The following GABRB3 variants were observed in gnomAD, a reference collection of about 807,000 sequenced individuals.
GABRB3 encodes the protein gamma-aminobutyric acid receptor subunit beta-3.
In GABRB3, 14 loss-of-function variants were observed where a neutral mutation model predicts 52.1. The ratio of observed to expected loss-of-function variants is 0.27; its 90% CI spans 0.18 to 0.42. The LOEUF (loss-of-function observed/expected upper bound fraction) is 0.42. GABRB3 is among the 10% of genes least tolerant of loss of function. GABRB3 has a pLI of 1.00. For missense variants in GABRB3, 307 were observed against 609.1 expected, an observed-to-expected ratio of 0.50 and a Z score of 5.22; for synonymous variants, 260 against 232.3, an observed-to-expected ratio of 1.12 and a Z score of -1.08.
At chr15:26,582,432 T>G (rs1200732423) in intron 5 of GABRB3, among the ~76,000 whole-genome samples, 1 of 152,186 alleles carries the variant, frequency 6.6e-6, no homozygotes, top group African/African-American at 2.4e-5. Flanking sequence ...CCTTCTGTCC[T>G]CTAAGGTAAA....
chr15:26,716,548 C>CATA (rs1889472593), intron 3 of GABRB3: 1 of 982,902 alleles, frequency 1.0e-6, no homozygotes, highest in Non-Finnish European at 1.2e-6. Context: ...AGGTCAAACC[C>CATA]ATAAACCGTC....
At chr15:26,704,136 T>C (rs1172326994) in intron 3 of GABRB3, among the ~76,000 whole-genome samples, 1 of 152,230 alleles carries the variant, frequency 6.6e-6, no homozygotes, top group Non-Finnish European at 1.5e-5. Flanking sequence ...TCTTGCATTC[T>C]GTGCACCCAC....
intron 4 of GABRB3, among the ~76,000 whole-genome samples, chr15:26,589,680 T>A (rs1295023370): frequency 6.6e-6 from 1 of 152,164 alleles, no homozygotes; most frequent in Non-Finnish European, 1.5e-5. Context: ...ATGTCCATTA[T>A]TTGTTAGCTT....
At chr15:26,646,842 T>G (rs1343329063) in intron 3 of GABRB3, among the ~76,000 whole-genome samples, 3 of 152,190 alleles carry the variant, frequency 2.0e-5, no homozygotes. Context: ...ATATAACTTC[T>G]TTTTTGTTTG....
chr15:26,720,203 C>G (rs1478254359), intron 3 of GABRB3, among the ~76,000 whole-genome samples: 1 of 151,578 alleles, frequency 6.6e-6, no homozygotes, highest in Admixed American at 6.6e-5. Flanking sequence ...CTACCCAAAT[C>G]CTATAAAACG....
intron 8 of GABRB3, among the ~76,000 whole-genome samples, chr15:26,558,600 A>T (rs1889846755): frequency 6.6e-6 from 1 of 152,122 alleles, no homozygotes; most frequent in African/African-American, 2.4e-5. Flanking sequence ...TCTCATTGCT[A>T]TAAAGAAATG....
At chr15:26,640,145 A>G (rs759465053) in intron 3 of GABRB3, among the ~76,000 whole-genome samples, 6 of 152,188 alleles carry the variant, frequency 3.9e-5, no homozygotes, top group Non-Finnish European at 7.4e-5. Context: ...GGGAGTTATG[A>G]CAGAGGTATG....
intron 3 of GABRB3, among the ~76,000 whole-genome samples, chr15:26,630,677 C>T (rs949708087): frequency 2.0e-5 from 3 of 152,114 alleles, no homozygotes; most frequent in South Asian, 2.1e-4. Context: ...ATTAAAAAGC[C>T]ATTTATTCAT....
intron 3 of GABRB3, among the ~76,000 whole-genome samples, chr15:26,623,381 TTC>T (rs1892561987): frequency 6.6e-6 from 1 of 152,166 alleles, no homozygotes; most frequent in Admixed American, 6.5e-5. Flanking sequence ...TGCCTTTTAT[TTC>T]TGTGTTCTGA....
chr15:26,627,311 G>A (rs1436145616), intron 3 of GABRB3, among the ~76,000 whole-genome samples: 1 of 125,300 alleles, frequency 8.0e-6, no homozygotes, highest in Non-Finnish European at 1.8e-5. Context: ...TTGTTTTCAT[G>A]TCTGCTAACA....
chr15:26,586,431 CAT>C (rs1387464666), intron 4 of GABRB3, among the ~76,000 whole-genome samples: 5 of 151,838 alleles, frequency 3.3e-5, no homozygotes, highest in African/African-American at 9.7e-5. Flanking sequence ...CACACGCATA[CAT>C]ACACATAAAC....
chr15:26,552,983 AGG>A (rs1390164633), intron 8 of GABRB3, among the ~76,000 whole-genome samples: 8 of 152,322 alleles, frequency 5.3e-5, no homozygotes, highest in African/African-American at 1.9e-4. Flanking sequence ...TACCATGAAA[AGG>A]GATTTGATAA....
intron 3 of GABRB3, among the ~76,000 whole-genome samples, chr15:26,709,688 T>C (rs55685902): frequency 0.13 from 20,034 of 151,804 alleles, 1,452 homozygotes; most frequent in Non-Finnish European, 0.17. Flanking sequence ...CAGCTAATTT[T>C]TTGTATTTCT....
chr15:26,582,739 G>C (rs2140735994), intron 5 of GABRB3, among the ~76,000 whole-genome samples: 1 of 152,270 alleles, frequency 6.6e-6, no homozygotes, highest in East Asian at 1.9e-4. Context: ...ATTGAGACTA[G>C]TTATAAACCA....
chr15:26,607,498 G>C (rs569923111), intron 4 of GABRB3, among the ~76,000 whole-genome samples: 60 of 152,128 alleles, frequency 3.9e-4, no homozygotes, highest in African/African-American at 1.4e-3. Context: ...TGTGTGCCCA[G>C]GAGTTTGAGG....
chr15:26,735,315 A>G (rs567696543), intron 3 of GABRB3, among the ~76,000 whole-genome samples: 1 of 152,242 alleles, frequency 6.6e-6, no homozygotes, highest in Non-Finnish European at 1.5e-5. Flanking sequence ...TATAGCCAAT[A>G]TGGAAAACAG....
At chr15:26,766,882 T>C (rs1033088476) in intron 3 of GABRB3, among the ~76,000 whole-genome samples, 2 of 151,980 alleles carry the variant, frequency 1.3e-5, no homozygotes, top group Non-Finnish European at 1.5e-5. Context: ...GCATGTAAGA[T>C]CCATTTTTTT....
At chr15:26,559,897 C>T (rs961997697) in intron 8 of GABRB3, among the ~76,000 whole-genome samples, 4 of 152,176 alleles carry the variant, frequency 2.6e-5, no homozygotes, top group African/African-American at 9.7e-5. Context: ...AGAAAGAGCA[C>T]TGCTCCTGCC....
chr15:26,691,307 T>C (rs1888580021), intron 3 of GABRB3, among the ~76,000 whole-genome samples: 1 of 152,142 alleles, frequency 6.6e-6, no homozygotes, highest in Non-Finnish European at 1.5e-5. Flanking sequence ...AATTTCCTGG[T>C]ACGGAAGGAA....
Sources: allele counts gnomAD v4.1 joint callset (sites outside exome capture counted in the v4.1 genomes callset), GRCh38; gene constraint gnomAD v4.1.1; transcripts MANE v1.5; gene names NCBI Gene and HGNC (gene_info 2026-07-23, HGNC 2026-07-21).